The following OVCH1 variants were observed in gnomAD, a reference collection of about 807,000 sequenced individuals.
OVCH1 encodes ovochymase-1.
Under a neutral mutation model 138.4 loss-of-function variants are expected in OVCH1, and 139 were observed. The observed-to-expected ratio is 1.00, with a 90% CI of 0.87 to 1.16. The LOEUF (loss-of-function observed/expected upper bound fraction) is 1.16, where lower values mean the gene tolerates loss of function less well. Among genes scored for constraint, OVCH1 ranks in the 50% most tolerant of loss-of-function variants. The pLI is 0.00. For synonymous variants in OVCH1, 453 were observed against 467.8 expected (o/e 0.97, Z 0.41); for missense variants, 1,367 against 1,357.9 (o/e 1.01, Z -0.11).
intron 24 of OVCH1, among the ~76,000 whole-genome samples, 169 bp downstream of exon 24, chr12:29,443,976 G>A (rs1941551338): frequency 6.6e-6 from 1 of 151,932 alleles, no homozygotes; most frequent in Non-Finnish European, 1.5e-5. Flanking sequence ...TTCTTATATT[G>A]TTTTGTTTTG....
exon 5 of OVCH1, chr12:29,491,105 A>G: frequency 6.2e-7 from 1 of 1,613,448 alleles, no homozygotes. Context: ...ACTTTTGGAA[A>G]TCTTGCCCCA....
intron 27 of OVCH1, among the ~76,000 whole-genome samples, chr12:29,429,960 C>G (rs1941241239): frequency 6.6e-6 from 1 of 152,148 alleles, no homozygotes; most frequent in East Asian, 1.9e-4. Flanking sequence ...ACCCCCACTT[C>G]AAAAGCAAAC....
downstream of OVCH1, among the ~76,000 whole-genome samples, chr12:29,422,592 C>T (rs1199904989): frequency 2.0e-5 from 3 of 152,134 alleles, no homozygotes; most frequent in African/African-American, 7.2e-5. Flanking sequence ...AAGATGAAGA[C>T]TATATCAGTG....
chr12:29,472,655 C>A (rs1942553382), intron 15 of OVCH1, among the ~76,000 whole-genome samples: 2 of 152,088 alleles, frequency 1.3e-5, no homozygotes, highest in South Asian at 4.2e-4. Flanking sequence ...TAGTATTTAC[C>A]CAGATGCCTT....
rs867646284 is a variant in OVCH1 at position 29,468,709 on chromosome 12, C to A, written c.1856+3093G>T. ...TAAGGGAGAGAAGGCCTAGACAGAA[C>A]CAGGTGGTACTGAATTAGCATTGAA... On this transcript the variant is annotated intron_variant, in intron 16 of 27. Coordinates refer to ENST00000318184, the Ensembl canonical transcript of OVCH1. Among the ~76,000 whole-genome samples the A allele has an allele frequency of 2.0e-5, 3 of 152,168 alleles. No individual in the cohort carries two copies. In the South Asian group the frequency reaches 6.2e-4, roughly 32 times the overall value.
chr12:29,407,323 C>T, the OVCH1 span, among the ~76,000 whole-genome samples: 5,311 of 104,786 alleles, frequency 0.051, 454 homozygotes, highest in African/African-American at 0.09. Context: ...AGATCCCATT[C>T]GTCAATTTTG....
intron 27 of OVCH1, among the ~76,000 whole-genome samples, chr12:29,432,248 A>G (rs1369899): frequency 0.17 from 26,277 of 152,192 alleles, 2,532 homozygotes; most frequent in African/African-American, 0.27. Context: ...CATGATCTCA[A>G]TTACTCATTT....
chr12:29,449,405 G>A (rs531772372), intron 22 of OVCH1, among the ~76,000 whole-genome samples: 8 of 151,672 alleles, frequency 5.3e-5, no homozygotes, highest in Non-Finnish European at 1.0e-4. Context: ...GAAGAAAGCC[G>A]ATGGTAGCTT....
chr12:29,452,336 A>G lies in OVCH1; in HGVS notation c.2531-767T>C, dbSNP rs1446492428. ...GTAAACATGCTTTTATTCACAGTAG[A>G]GGTGAAAAGTAGAATAAGGGAAATG... On this transcript the variant is annotated intron_variant, in intron 21 of 27. Transcript: ENST00000318184. 2.6e-5 allele frequency among the ~76,000 whole-genome samples: 4 copies of G among 152,182 alleles called. No individual in the cohort carries two copies. The East Asian group carries it at 7.7e-4, about 29-fold the overall frequency.
chr12:29,477,158 G>C (rs759077405), exon 12 of OVCH1: 5 of 1,613,344 alleles, frequency 3.1e-6, no homozygotes, highest in Non-Finnish European at 4.2e-6. Flanking sequence ...GTGTTACTGG[G>C]ATACAAATCA....
At chr12:29,460,223 A>G (rs1272460915) in intron 19 of OVCH1, among the ~76,000 whole-genome samples, 2 of 152,174 alleles carry the variant, frequency 1.3e-5, no homozygotes, top group Non-Finnish European at 2.9e-5. Context: ...GACCCTCTCT[A>G]GTTCTTTTCT....
intron 16 of OVCH1, among the ~76,000 whole-genome samples, chr12:29,470,219 T>C (rs911818155): frequency 7.2e-5 from 11 of 152,268 alleles, no homozygotes; most frequent in African/African-American, 2.4e-4. Flanking sequence ...TTTTTTCTCT[T>C]TTGATTTTTT....
intron 25 of OVCH1, among the ~76,000 whole-genome samples, chr12:29,441,738 T>C (rs1941490457): frequency 6.6e-6 from 1 of 152,144 alleles, no homozygotes; most frequent in Admixed American, 6.5e-5. Context: ...AAAGGGCTAA[T>C]ATCCAGAATA....
At chr12:29,443,992 A>G (rs897809857) in intron 24 of OVCH1, among the ~76,000 whole-genome samples, 153 bp downstream of exon 24, 1 of 152,096 alleles carries the variant, frequency 6.6e-6, no homozygotes, top group Non-Finnish European at 1.5e-5. Context: ...TTTTGTTTCC[A>G]TATTAAAAGC....
chr12:29,416,433 A>G (rs1216153806), intron 3 of OVCH1, among the ~76,000 whole-genome samples: 1 of 152,242 alleles, frequency 6.6e-6, no homozygotes, highest in Non-Finnish European at 1.5e-5. Flanking sequence ...AGTGGCTAGA[A>G]TATATAAAGA....
intron 26 of OVCH1, among the ~76,000 whole-genome samples, chr12:29,436,873 T>C (rs932301086): frequency 6.6e-6 from 1 of 152,182 alleles, no homozygotes; most frequent in Non-Finnish European, 1.5e-5. Context: ...GCAAGATTTA[T>C]TGTGAAGAGC....
chr12:29,477,889 G>C (rs1775609424), intron 9 of OVCH1, among the ~76,000 whole-genome samples: 1 of 152,172 alleles, frequency 6.6e-6, no homozygotes, highest in Non-Finnish European at 1.5e-5. Context: ...AAAACGTCCA[G>C]TACCTGCTAT....
intron 16 of OVCH1, among the ~76,000 whole-genome samples, chr12:29,466,532 A>G (rs1316118180): frequency 6.6e-6 from 1 of 152,178 alleles, no homozygotes; most frequent in Non-Finnish European, 1.5e-5. Flanking sequence ...GGAATTTATC[A>G]GTTTAAAAAT....
chr12:29,406,242 A>G, the OVCH1 span, among the ~76,000 whole-genome samples: 4 of 152,212 alleles, frequency 2.6e-5, no homozygotes, highest in Non-Finnish European at 5.9e-5. Context: ...TTTTATAAGT[A>G]TCAATAAACT....
Sources: allele counts gnomAD v4.1 joint callset (sites outside exome capture counted in the v4.1 genomes callset), GRCh38; gene constraint gnomAD v4.1.1; transcripts MANE v1.5; gene names NCBI Gene and HGNC (gene_info 2026-07-23, HGNC 2026-07-21).